ATP6V1H: variants seen among roughly 807,000 people sequenced by gnomAD.
The protein encoded by ATP6V1H is ATPase H+ transporting V1 subunit H.
A neutral mutation model predicts 71.7 loss-of-function variants in ATP6V1H; 39 were observed. That is an observed-to-expected ratio of 0.54 (90% CI 0.42 to 0.71). The LOEUF is 0.71. Ranked by LOEUF, ATP6V1H falls within the 30% of genes least tolerant of loss-of-function variation. The probability of loss-of-function intolerance (pLI) is 0.00; values close to 1 mark genes in which losing one functional copy is unlikely to be tolerated. For synonymous variants in ATP6V1H, 192 were observed against 199.3 expected (o/e 0.96, Z 0.31); for missense variants, 509 against 594.9 (o/e 0.86, Z 1.50).
intron 13 of ATP6V1H, 38 bp downstream of exon 13, chr8:53,743,539 G>A: frequency 6.9e-7 from 1 of 1,442,464 alleles, no homozygotes; most frequent in Non-Finnish European, 9.7e-7. Context: ...AGAGTTTGCA[G>A]ACTAATGTAC....
intron 9 of ATP6V1H, among the ~76,000 whole-genome samples, chr8:53,783,950 T>C (rs1211957250): frequency 6.6e-6 from 1 of 152,192 alleles, no homozygotes; most frequent in Non-Finnish European, 1.5e-5. Context: ...CTAAGGGGTG[T>C]TTTACTTCCA....
intron 13 of ATP6V1H, among the ~76,000 whole-genome samples, chr8:53,735,593 C>T (rs941459722): frequency 7.9e-5 from 12 of 152,196 alleles, no homozygotes; most frequent in African/African-American, 2.9e-4. Context: ...TTTGTTCAGT[C>T]GGCCACCCCG....
intron 13 of ATP6V1H, chr8:53,739,619 G>C (rs1348753835): frequency 6.6e-6 from 1 of 152,218 alleles, no homozygotes; most frequent in East Asian, 1.9e-4. Flanking sequence ...TTCTGCATTA[G>C]AGGCTGATTA....
At chr8:53,729,263 A>T (rs1423699041) in intron 13 of ATP6V1H, among the ~76,000 whole-genome samples, 2 of 152,106 alleles carry the variant, frequency 1.3e-5, no homozygotes, top group South Asian at 4.1e-4. Flanking sequence ...AGTGAAGTTG[A>T]TATTTTGGAA....
At chr8:53,819,776 GTA>G (rs948494751) in intron 4 of ATP6V1H, among the ~76,000 whole-genome samples, 5 of 141,736 alleles carry the variant, frequency 3.5e-5, no homozygotes, top group Non-Finnish European at 7.7e-5. Flanking sequence ...TATATACATA[GTA>G]TATATATATG....
At chr8:53,764,178 T>C (rs1041217323) in intron 11 of ATP6V1H, among the ~76,000 whole-genome samples, 1 of 152,170 alleles carries the variant, frequency 6.6e-6, no homozygotes, top group African/African-American at 2.4e-5. Context: ...ACTCATTCTA[T>C]GAGACCAACA....
At chr8:53,803,807 A>G (rs1809992892) in intron 7 of ATP6V1H, among the ~76,000 whole-genome samples, 1 of 152,228 alleles carries the variant, frequency 6.6e-6, no homozygotes, top group African/African-American at 2.4e-5. Flanking sequence ...GTCATCAGGT[A>G]GAAACTTTTT....
intron 7 of ATP6V1H, among the ~76,000 whole-genome samples, chr8:53,804,492 T>C (rs1025107667): frequency 6.6e-6 from 1 of 152,136 alleles, no homozygotes; most frequent in Non-Finnish European, 1.5e-5. Flanking sequence ...CTGGCCAACA[T>C]GGCAAAGTCC....
At chr8:53,729,526 A>C (rs967781795) in intron 13 of ATP6V1H, among the ~76,000 whole-genome samples, 3 of 152,190 alleles carry the variant, frequency 2.0e-5, no homozygotes, top group Non-Finnish European at 4.4e-5. Flanking sequence ...GACCCCAGGA[A>C]GTAGCCCACC....
At position 53,775,300 on chromosome 8, in the gene ATP6V1H, C is replaced by A. The variant is rs369364348; in HGVS notation, c.871-3133G>T. 3.8e-4 allele frequency among the ~76,000 whole-genome samples: 58 copies of A among 152,298 alleles called. No homozygotes were observed. The South Asian group carries it at 8.7e-3, about 23-fold the overall frequency. The stretch of plus-strand genomic sequence containing the variant: ...AACCAGTGTGGACCCAAAGAGTGAG[C>A]AGTAGCAAGATTTATTGCAAAGAGC... On this transcript the variant is annotated intron_variant, in intron 9 of 13. Transcript: ENST00000359530.
At chr8:53,830,599 C>T (rs73680321) in intron 3 of ATP6V1H, among the ~76,000 whole-genome samples, 18,328 of 151,978 alleles carry the variant, frequency 0.12, 1,708 homozygotes, top group East Asian at 0.45. Context: ...TCTGTCAGAA[C>T]TCTTTTTCAG....
chr8:53,734,192 T>C (rs185328828), intron 13 of ATP6V1H, among the ~76,000 whole-genome samples: 111 of 152,262 alleles, frequency 7.3e-4, no homozygotes, highest in East Asian at 4.2e-3. Flanking sequence ...CACATAACCA[T>C]TGAAGTTTGT....
intron 13 of ATP6V1H, among the ~76,000 whole-genome samples, chr8:53,724,499 T>G (rs1463537923): frequency 6.6e-6 from 1 of 151,584 alleles, no homozygotes; most frequent in Admixed American, 6.6e-5. Context: ...GAAGACTGAG[T>G]AAGGGCCATA....
chr8:53,828,841 G>T (rs1022994520), intron 4 of ATP6V1H, among the ~76,000 whole-genome samples: 1 of 152,088 alleles, frequency 6.6e-6, no homozygotes, highest in Non-Finnish European at 1.5e-5. Context: ...CAGCTGGAAG[G>T]CCGATCTCAT....
intron 8 of ATP6V1H, among the ~76,000 whole-genome samples, chr8:53,800,066 T>C (rs1355928963): frequency 6.6e-6 from 1 of 152,188 alleles, no homozygotes; most frequent in Non-Finnish European, 1.5e-5. Context: ...TAACTTCTAA[T>C]AAAATCTTCA....
At chr8:53,758,228 C>G (rs1808142260) in intron 11 of ATP6V1H, among the ~76,000 whole-genome samples, 1 of 151,334 alleles carries the variant, frequency 6.6e-6, no homozygotes, top group South Asian at 2.1e-4. Context: ...AAAATTACTT[C>G]TTTGTTTTTA....
chr8:53,737,400 G>A (rs1425781446), intron 13 of ATP6V1H, among the ~76,000 whole-genome samples: 1 of 152,194 alleles, frequency 6.6e-6, no homozygotes, highest in East Asian at 1.9e-4. Flanking sequence ...GGATACAAAT[G>A]GAACAGCATA....
intron 7 of ATP6V1H, among the ~76,000 whole-genome samples, chr8:53,803,384 T>C (rs535388423): frequency 9.3e-4 from 142 of 151,946 alleles, no homozygotes; most frequent in Middle Eastern, 3.4e-3. Flanking sequence ...GAAAAGAAAT[T>C]TCAGACAACA....
intron 10 of ATP6V1H, among the ~76,000 whole-genome samples, chr8:53,770,828 T>G: frequency 6.6e-6 from 1 of 152,362 alleles, no homozygotes; most frequent in South Asian, 2.1e-4. Flanking sequence ...GAACCAGTCA[T>G]CAGTTTTTAA....
Sources: gnomAD v4.1 joint callset for allele counts (sites outside exome capture counted in the v4.1 genomes callset) on GRCh38, gnomAD v4.1.1 for gene constraint, MANE v1.5 for transcripts, NCBI Gene and HGNC (gene_info 2026-07-23, HGNC 2026-07-21) for gene names.